The following SULF1 variants were observed in gnomAD, a reference collection of about 807,000 sequenced individuals.
SULF1 encodes the protein extracellular sulfatase Sulf-1.
In SULF1, 46 loss-of-function variants were observed where a neutral mutation model predicts 110.5. The ratio of observed to expected loss-of-function variants is 0.42; its 90% CI spans 0.33 to 0.53. The LOEUF (loss-of-function observed/expected upper bound fraction) is 0.53. SULF1 is among the 20% of genes least tolerant of loss of function. SULF1 has a pLI of 0.12. For missense variants in SULF1, 941 were observed against 1,094.2 expected (o/e 0.86, Z 1.98); for synonymous variants, 371 against 387.1 (o/e 0.96, Z 0.49).
At chr8:69,625,649 C>T (rs1034829961) in intron 15 of SULF1, among the ~76,000 whole-genome samples, 13 of 152,228 alleles carry the variant, frequency 8.5e-5, no homozygotes, top group South Asian at 2.1e-4. Context: ...CTCGTGGTCT[C>T]GCTGGGCTCA....
intron 3 of SULF1, among the ~76,000 whole-genome samples, chr8:69,504,959 G>T (rs914218134): frequency 1.3e-5 from 2 of 152,132 alleles, no homozygotes; most frequent in African/African-American, 4.8e-5. Flanking sequence ...GTGCATTTTT[G>T]ATTGCCTCTC....
chr8:69,593,460 T>C (rs1250725753), intron 8 of SULF1, among the ~76,000 whole-genome samples: 1 of 152,198 alleles, frequency 6.6e-6, no homozygotes, highest in East Asian at 1.9e-4. Flanking sequence ...TCATCTTCCT[T>C]GGTGGTCAGG....
At chr8:69,521,482 C>A (rs765433597) in intron 3 of SULF1, among the ~76,000 whole-genome samples, 1 of 152,062 alleles carries the variant, frequency 6.6e-6, no homozygotes, top group African/African-American at 2.4e-5. Flanking sequence ...TGAACAAAGA[C>A]TTGAAGGAGT....
At chr8:69,529,092 C>A (rs1419134095) in intron 3 of SULF1, among the ~76,000 whole-genome samples, 2 of 152,168 alleles carry the variant, frequency 1.3e-5, no homozygotes, top group African/African-American at 4.8e-5. Flanking sequence ...CTTACTCCAG[C>A]TTTACTAATA....
chr8:69,475,002 C>T (rs1809240689), intron 1 of SULF1, among the ~76,000 whole-genome samples: 1 of 151,966 alleles, frequency 6.6e-6, no homozygotes, highest in African/African-American at 2.4e-5. Context: ...TAAAAATAGC[C>T]CTTCTTAATC....
intron 6 of SULF1, among the ~76,000 whole-genome samples, chr8:69,580,911 G>A (rs919502919): frequency 1.3e-5 from 2 of 152,038 alleles, no homozygotes; most frequent in Admixed American, 6.5e-5. Flanking sequence ...GTTACTTATA[G>A]CAAGTATATT....
intron 19 of SULF1, chr8:69,638,041 C>A (rs892705666): frequency 5.9e-6 from 1 of 170,512 alleles, no homozygotes; most frequent in African/African-American, 2.4e-5. Context: ...TTCTTTGTTG[C>A]AAAATCCCAT....
At chr8:69,521,080 G>T (rs1296650587) in intron 3 of SULF1, among the ~76,000 whole-genome samples, 1 of 152,160 alleles carries the variant, frequency 6.6e-6, no homozygotes, top group Non-Finnish European at 1.5e-5. Context: ...AGGTTCTAGT[G>T]TCAAGCATAA....
chr8:69,493,632 C>T (rs571507037), intron 1 of SULF1, among the ~76,000 whole-genome samples: 1 of 152,302 alleles, frequency 6.6e-6, no homozygotes, highest in East Asian at 1.9e-4. Flanking sequence ...TTTCACACTA[C>T]GAAATAAATC....
At chr8:69,492,786 G>A (rs1265889654), upstream of SULF1, 1 of 152,382 alleles carries the variant, frequency 6.6e-6, no homozygotes, top group Non-Finnish European at 1.5e-5. Flanking sequence ...TGGTTCTATG[G>A]GGGTGTGTGA....
chr8:69,565,077 C>T (rs1371786901), intron 5 of SULF1, among the ~76,000 whole-genome samples: 4 of 152,208 alleles, frequency 2.6e-5, no homozygotes, highest in African/African-American at 7.2e-5. Context: ...GGCACTTGGT[C>T]TCCATGGAAG....
intron 3 of SULF1, among the ~76,000 whole-genome samples, chr8:69,556,411 A>G (rs988521929): frequency 6.6e-6 from 1 of 152,166 alleles, no homozygotes; most frequent in African/African-American, 2.4e-5. Flanking sequence ...TGGTCTAGTT[A>G]TTGCAGCAAC....
At chr8:69,469,258 T>C (rs1808985538) in intron 1 of SULF1, 1 of 152,258 alleles carries the variant, frequency 6.6e-6, no homozygotes, top group African/African-American at 2.4e-5. Context: ...TGACAGCACT[T>C]GTGCTGGTAA....
At chr8:69,501,589 G>C (rs1810801014) in intron 2 of SULF1, among the ~76,000 whole-genome samples, 1 of 152,152 alleles carries the variant, frequency 6.6e-6, no homozygotes, top group African/African-American at 2.4e-5. Flanking sequence ...TTCTTTAATG[G>C]TTCTATGAAA....
chr8:69,592,349 C>A (rs1346445108), intron 8 of SULF1, among the ~76,000 whole-genome samples: 1 of 152,138 alleles, frequency 6.6e-6, no homozygotes, highest in Non-Finnish European at 1.5e-5. Flanking sequence ...AGCAGAGAGT[C>A]ACTGGAGGTT....
At chr8:69,507,734 A>C (rs1811294303) in intron 3 of SULF1, among the ~76,000 whole-genome samples, 1 of 152,226 alleles carries the variant, frequency 6.6e-6, no homozygotes, top group African/African-American at 2.4e-5. Context: ...TTTGCAAAAA[A>C]AATATTTTTT....
intron 3 of SULF1, among the ~76,000 whole-genome samples, chr8:69,507,654 G>C (rs1269497681): frequency 2.0e-5 from 3 of 152,092 alleles, no homozygotes; most frequent in Non-Finnish European, 4.4e-5. Flanking sequence ...TATTTTTACT[G>C]CAGGAATATT....
At chr8:69,606,544 A>G (rs1346252156) in intron 13 of SULF1, among the ~76,000 whole-genome samples, 1 of 152,152 alleles carries the variant, frequency 6.6e-6, no homozygotes, top group African/African-American at 2.4e-5. Flanking sequence ...TAGCTCTAAG[A>G]GGTGAACATT....
At chr8:69,491,862 C>T (rs1809956822), upstream of SULF1, among the ~76,000 whole-genome samples, 1 of 151,854 alleles carries the variant, frequency 6.6e-6, no homozygotes, top group Non-Finnish European at 1.5e-5. Context: ...GGAATGACAA[C>T]AGAGAAACAG....
Sources: allele counts gnomAD v4.1 joint callset (sites outside exome capture counted in the v4.1 genomes callset), GRCh38; gene constraint gnomAD v4.1.1; transcripts MANE v1.5; gene names NCBI Gene and HGNC (gene_info 2026-07-23, HGNC 2026-07-21).